Variants in TRIM2 observed in about 807,000 individuals in gnomAD.
TRIM2 encodes tripartite motif-containing protein 2.
Under a neutral mutation model 75.2 loss-of-function variants are expected in TRIM2, and 20 were observed. That is an observed-to-expected ratio of 0.27 (90% CI 0.19 to 0.39). TRIM2 has a LOEUF of 0.39. Among genes scored for constraint, TRIM2 ranks in the 10% least tolerant of loss-of-function variants. TRIM2 has a pLI of 1.00. For synonymous variants in TRIM2, 373 were observed against 388.3 expected (o/e 0.96, Z 0.46); for missense variants, 660 against 990.8 (o/e 0.67, Z 4.48).
Position 153,335,146 on chromosome 4 carries a change from C to A in TRIM2, c.*180C>A. 7.8e-7 allele frequency: 1 copy of A among 1,289,126 alleles called. No individual in the cohort carries two copies. The highest frequency in any genetic ancestry group is 3.6e-5 in the Admixed American group (1 of 27,432). The allele number at this position is 1,289,126 out of a possible 1,614,324, so 79.9% of individuals were successfully genotyped here. A position where few individuals can be genotyped will look rare whatever the true frequency, so the allele number is the denominator to read the frequency against. On this transcript the variant is annotated 3_prime_UTR_variant, in exon 12 of 12. Coordinates refer to ENST00000338700, the MANE Select transcript of TRIM2 (RefSeq NM_015271.5). Reference sequence around the variant, plus strand: ...AATGACTTATCCAATTTCTGTATTTCACCTTTAGGGTTAAAAAAAACTCTT... The same window carrying A: ...AATGACTTATCCAATTTCTGTATTTAACCTTTAGGGTTAAAAAAAACTCTT...
intron 3 of TRIM2, among the ~76,000 whole-genome samples, chr4:153,285,081 A>G (rs1472714762): frequency 6.6e-6 from 1 of 152,134 alleles, no homozygotes; most frequent in African/African-American, 2.4e-5. Context: ...GCTTACATTT[A>G]GGTCTTTTAT....
At chr4:153,208,161 G>A (rs1223381624) in intron 1 of TRIM2, among the ~76,000 whole-genome samples, 1 of 152,130 alleles carries the variant, frequency 6.6e-6, no homozygotes, top group East Asian at 1.9e-4. Context: ...AGCTGGGCAT[G>A]GTGGTACACA....
intron 1 of TRIM2, among the ~76,000 whole-genome samples, chr4:153,182,656 G>A (rs1732190320): frequency 6.6e-6 from 1 of 152,162 alleles, no homozygotes; most frequent in African/African-American, 2.4e-5. Flanking sequence ...ACACAAATAT[G>A]GAATGGCTCA....
chr4:153,234,454 C>T (rs1354397852), intron 1 of TRIM2, among the ~76,000 whole-genome samples: 1 of 152,186 alleles, frequency 6.6e-6, no homozygotes, highest in African/African-American at 2.4e-5. Flanking sequence ...TAAATGTGAT[C>T]TCATGCAACC....
intron 3 of TRIM2, among the ~76,000 whole-genome samples, chr4:153,289,122 T>G (rs1211327527): frequency 6.6e-6 from 1 of 152,108 alleles, no homozygotes; most frequent in African/African-American, 2.4e-5. Context: ...AACTTTGTCC[T>G]TTTTTGTGTG....
At chr4:153,192,479 C>T (rs769997570) in intron 1 of TRIM2, among the ~76,000 whole-genome samples, 26 of 151,734 alleles carry the variant, frequency 1.7e-4, no homozygotes, top group Non-Finnish European at 3.4e-4. Flanking sequence ...TAGTGGTGGG[C>T]GCCAGTAGTC....
At position 153,338,548 on chromosome 4, in the gene TRIM2, T is replaced by A. The variant is rs932021248; in HGVS notation, c.*3582T>A. 20 of 983,950 alleles carry A rather than the reference T, an allele frequency of 2.0e-5. No homozygotes were observed. Among genetic ancestry groups the A allele is most frequent in the Non-Finnish European group, 2.2e-5 (18 of 828,358 alleles). The allele number at this position is 983,950 out of a possible 1,614,324, so 61.0% of individuals were successfully genotyped here. A position where few individuals can be genotyped will look rare whatever the true frequency, so the allele number is the denominator to read the frequency against. On this transcript the variant is annotated 3_prime_UTR_variant, in exon 12 of 12. Transcript: ENST00000338700. ...TAAACTTTATAATTACTTTAATATT[T>A]TTGATAACTAGAAATCTAGTATTGC... is the stretch of plus-strand genomic sequence containing the variant.
intron 1 of TRIM2, among the ~76,000 whole-genome samples, chr4:153,229,832 G>T (rs1372923980): frequency 6.6e-6 from 1 of 152,158 alleles, no homozygotes; most frequent in Admixed American, 6.5e-5. Context: ...ACTAAATCTC[G>T]ATAGAACTAA....
At chr4:153,162,248 T>C (rs1161285850) in intron 1 of TRIM2, among the ~76,000 whole-genome samples, 1 of 152,182 alleles carries the variant, frequency 6.6e-6, no homozygotes, top group African/African-American at 2.4e-5. Flanking sequence ...ATAGATGATA[T>C]AGATATAGAT....
chr4:153,330,202 G>T (rs543615642), intron 11 of TRIM2, among the ~76,000 whole-genome samples: 2 of 152,120 alleles, frequency 1.3e-5, no homozygotes, highest in South Asian at 4.1e-4. Context: ...TGTCTAGATG[G>T]AGATGATTTC....
intron 1 of TRIM2, among the ~76,000 whole-genome samples, chr4:153,216,305 C>T (rs1251902430): frequency 6.6e-6 from 1 of 152,180 alleles, no homozygotes; most frequent in Non-Finnish European, 1.5e-5. Context: ...TGCTCTTACT[C>T]TAATGGAAGC....
chr4:153,267,198 T>A (rs1755414215), intron 1 of TRIM2, among the ~76,000 whole-genome samples: 2 of 152,146 alleles, frequency 1.3e-5, no homozygotes, highest in African/African-American at 4.8e-5. Context: ...AAGTGTCATA[T>A]GTAAACCAAG....
At chr4:153,219,601 G>C (rs1468298279) in intron 1 of TRIM2, among the ~76,000 whole-genome samples, 3 of 152,202 alleles carry the variant, frequency 2.0e-5, no homozygotes, top group East Asian at 3.9e-4. Flanking sequence ...TAGAACGGTA[G>C]CTTACGCCTG....
Position 153,337,256 on chromosome 4 carries a change from T to A in TRIM2, c.*2290T>A, listed in dbSNP as rs1772554884. On this transcript the variant is annotated 3_prime_UTR_variant, in exon 12 of 12. Transcript: ENST00000338700. Reference sequence around the variant, plus strand: ...TGTCCCAGGCTGTTGATCTTAAAACTAGTTGATTTAAAGAGTTTTTTTGCA... The same window carrying A: ...TGTCCCAGGCTGTTGATCTTAAAACAAGTTGATTTAAAGAGTTTTTTTGCA... The A allele has an allele frequency of 1.0e-6, 1 of 985,734 alleles. No homozygotes were observed. Among genetic ancestry groups the A allele is most frequent in the East Asian group, 1.1e-4 (1 of 8,824 alleles). 61.1% of individuals were successfully genotyped at this position (985,734 alleles called of 1,614,324 possible).
chr4:153,244,293 T>C (rs1270621971), intron 1 of TRIM2, among the ~76,000 whole-genome samples: 1 of 35,218 alleles, frequency 2.8e-5, no homozygotes, highest in African/African-American at 1.8e-4. Context: ...CTCCTCCTCC[T>C]CCTCCTCCTC....
intron 2 of TRIM2, among the ~76,000 whole-genome samples, chr4:153,274,241 C>T (rs897873578): frequency 1.3e-5 from 2 of 151,962 alleles, no homozygotes; most frequent in Non-Finnish European, 2.9e-5. Context: ...TTAGAGGGTA[C>T]AAGGATGGTT....
intron 1 of TRIM2, among the ~76,000 whole-genome samples, chr4:153,170,288 T>C (rs1730714180): frequency 6.6e-6 from 1 of 152,200 alleles, no homozygotes; most frequent in Non-Finnish European, 1.5e-5. Flanking sequence ...ACCATCTCTA[T>C]CACCACTTTT....
chr4:153,328,995 A>G (rs1033895635), intron 11 of TRIM2, among the ~76,000 whole-genome samples: 3 of 152,230 alleles, frequency 2.0e-5, no homozygotes, highest in African/African-American at 7.2e-5. Context: ...TCCCTTAATC[A>G]TGAATATAAG....
At chr4:153,242,113 C>A (rs968306261) in intron 1 of TRIM2, among the ~76,000 whole-genome samples, 2 of 152,200 alleles carry the variant, frequency 1.3e-5, no homozygotes, top group African/African-American at 4.8e-5. Flanking sequence ...TTGAATAAAT[C>A]TGTGTGCTTT....
Sources: allele counts gnomAD v4.1 joint callset (sites outside exome capture counted in the v4.1 genomes callset), GRCh38; gene constraint gnomAD v4.1.1; transcripts MANE v1.5; gene names NCBI Gene and HGNC (gene_info 2026-07-23, HGNC 2026-07-21).